The following RANBP17 variants were observed in gnomAD, a reference collection of about 807,000 sequenced individuals.
RANBP17 encodes ran-binding protein 17.
Under a neutral mutation model 141.2 loss-of-function variants are expected in RANBP17, and 158 were observed. The observed-to-expected ratio is 1.12, with a 90% CI of 0.98 to 1.28. RANBP17 has a LOEUF of 1.28. Among genes scored for constraint, RANBP17 ranks in the 50% most tolerant of loss-of-function variants. RANBP17 has a pLI of 0.00. For synonymous variants in RANBP17, 430 were observed against 450.0 expected (o/e 0.96, Z 0.56); for missense variants, 1,438 against 1,290.7 (o/e 1.11, Z -1.75).
intron 14 of RANBP17, among the ~76,000 whole-genome samples, chr5:171,155,094 A>ATAT (rs1554106865): frequency 0.056 from 4,174 of 74,544 alleles, 145 homozygotes; most frequent in Non-Finnish European, 0.064. Context: ...AAAAAAAAAA[A>ATAT]ATATATATAT....
intron 14 of RANBP17, among the ~76,000 whole-genome samples, chr5:171,090,582 G>A (rs185966507): frequency 4.2e-4 from 64 of 152,248 alleles, no homozygotes; most frequent in African/African-American, 1.4e-3. Flanking sequence ...CTAAGACAAT[G>A]GGGAAAATGT....
intron 14 of RANBP17, among the ~76,000 whole-genome samples, chr5:171,014,261 T>C (rs927380900): frequency 6.6e-6 from 1 of 152,042 alleles, no homozygotes; most frequent in African/African-American, 2.4e-5. Flanking sequence ...GCCTTCTTTC[T>C]TTCTTTATCC....
intron 3 of RANBP17, among the ~76,000 whole-genome samples, chr5:170,883,419 A>G (rs567638547): frequency 1.4e-4 from 22 of 152,312 alleles, no homozygotes; most frequent in African/African-American, 4.8e-4. Flanking sequence ...ATTTGTTACA[A>G]TTGATGAACC....
rs370502974 is a variant in RANBP17, at chr5:171,100,457, C to A, written c.1711-69673C>A. On this transcript the variant is annotated intron_variant, in intron 14 of 27. Transcript: ENST00000523189. ...GGATCAGTGGTGATATCCCCTTTAT[C>A]ATTTTTTATTGTGTCTATTTGATTC... 8.9e-4 allele frequency among the ~76,000 whole-genome samples: 136 copies of A among 152,242 alleles called. 3 individuals carry two copies. The South Asian group carries it at 0.027, about 30-fold the overall frequency.
chr5:171,170,738 C>T (rs1760040310), intron 15 of RANBP17, among the ~76,000 whole-genome samples: 1 of 152,096 alleles, frequency 6.6e-6, no homozygotes, highest in Admixed American at 6.6e-5. Context: ...ACCTGGCACC[C>T]CGCTTTATCT....
intron 19 of RANBP17, among the ~76,000 whole-genome samples, chr5:171,200,194 T>C (rs1056956572): frequency 6.6e-6 from 1 of 152,198 alleles, no homozygotes. Context: ...TTTATATAAA[T>C]CAAGACTTTA....
intron 13 of RANBP17, among the ~76,000 whole-genome samples, chr5:170,960,812 C>G (rs1561933564): frequency 6.6e-6 from 1 of 152,218 alleles, no homozygotes; most frequent in South Asian, 2.1e-4. Flanking sequence ...TCCTGCCTGT[C>G]CCATTAGCCT....
At chr5:170,955,917 G>T (rs1775657976) in intron 13 of RANBP17, among the ~76,000 whole-genome samples, 1 of 147,386 alleles carries the variant, frequency 6.8e-6, no homozygotes, top group African/African-American at 2.5e-5. Context: ...TTCTTTACTG[G>T]CTTTAAATAT....
chr5:170,994,973 A>G (rs558103837), intron 14 of RANBP17, among the ~76,000 whole-genome samples: 18 of 152,194 alleles, frequency 1.2e-4, no homozygotes, highest in African/African-American at 4.3e-4. Flanking sequence ...GAATAATAAC[A>G]TTGCCTTTAT....
chr5:171,038,447 C>T (rs1782029923), intron 14 of RANBP17, among the ~76,000 whole-genome samples: 1 of 151,988 alleles, frequency 6.6e-6, no homozygotes, highest in African/African-American at 2.4e-5. Flanking sequence ...ATTTCATTCT[C>T]TTGCCTGAAT....
chr5:170,942,905 C>T (rs994889119), intron 12 of RANBP17, among the ~76,000 whole-genome samples: 18 of 152,154 alleles, frequency 1.2e-4, no homozygotes, highest in African/African-American at 3.9e-4. Flanking sequence ...AGTGGTATTA[C>T]ATAGGACTAT....
At chr5:170,922,195 C>T (rs1772522079) in intron 11 of RANBP17, among the ~76,000 whole-genome samples, 1 of 152,196 alleles carries the variant, frequency 6.6e-6, no homozygotes, top group African/African-American at 2.4e-5. Flanking sequence ...GATCCTTCCT[C>T]TGGAAGCTTC....
intron 14 of RANBP17, among the ~76,000 whole-genome samples, chr5:171,004,273 G>A (rs891042361): frequency 6.6e-6 from 1 of 152,072 alleles, no homozygotes; most frequent in Non-Finnish European, 1.5e-5. Context: ...ACACGAAGGA[G>A]GCTTTGGGTT....
intron 14 of RANBP17, among the ~76,000 whole-genome samples, chr5:171,013,106 T>C (rs1447532047): frequency 6.6e-6 from 1 of 152,316 alleles, no homozygotes; most frequent in East Asian, 1.9e-4. Context: ...AGAACTGCCT[T>C]ACACTGCTGC....
At chr5:171,187,731 G>A (rs1761363028) in intron 18 of RANBP17, among the ~76,000 whole-genome samples, 1 of 152,060 alleles carries the variant, frequency 6.6e-6, no homozygotes, top group Admixed American at 6.6e-5. Context: ...TTACAGATAG[G>A]CAGTACCTTA....
intron 14 of RANBP17, among the ~76,000 whole-genome samples, chr5:170,991,419 G>C (rs889457911): frequency 6.6e-6 from 1 of 151,952 alleles, no homozygotes; most frequent in African/African-American, 2.4e-5. Context: ...ATTGTTGCTT[G>C]TAAAGGTAGT....
At chr5:171,243,846 G>T (rs546808735) in intron 24 of RANBP17, among the ~76,000 whole-genome samples, 68 of 152,180 alleles carry the variant, frequency 4.5e-4, no homozygotes, top group Non-Finnish European at 7.5e-4. Flanking sequence ...GGCTGAGGCG[G>T]GTGGATCACC....
intron 18 of RANBP17, among the ~76,000 whole-genome samples, chr5:171,194,923 C>T (rs948800103): frequency 2.0e-5 from 3 of 152,130 alleles, no homozygotes; most frequent in African/African-American, 7.2e-5. Flanking sequence ...AACAGTTACT[C>T]TTATATTTTA....
At chr5:171,240,265 G>T (rs1190420203) in intron 22 of RANBP17, among the ~76,000 whole-genome samples, 1 of 151,992 alleles carries the variant, frequency 6.6e-6, no homozygotes, top group Non-Finnish European at 1.5e-5. Context: ...AGATTTTAGG[G>T]TGATCATACA....
Sources: gnomAD v4.1 joint callset for allele counts (sites outside exome capture counted in the v4.1 genomes callset) on GRCh38, gnomAD v4.1.1 for gene constraint, MANE v1.5 for transcripts, NCBI Gene and HGNC (gene_info 2026-07-23, HGNC 2026-07-21) for gene names.